Variants in SCFD2 observed in about 807,000 individuals in gnomAD.
SCFD2 encodes sec1 family domain-containing protein 2.
In SCFD2, 54 loss-of-function variants were observed where a neutral mutation model predicts 58.9. The ratio of observed to expected loss-of-function variants is 0.92; its 90% CI spans 0.74 to 1.15. The LOEUF (loss-of-function observed/expected upper bound fraction) is 1.15, where lower values mean the gene tolerates loss of function less well. Among genes scored for constraint, SCFD2 ranks in the 50% most tolerant of loss-of-function variants. The probability of loss-of-function intolerance (pLI) is 0.00; values close to 1 mark genes in which losing one functional copy is unlikely to be tolerated. For synonymous variants in SCFD2, 321 were observed against 335.9 expected, an observed-to-expected ratio of 0.96 and a Z score of 0.49; for missense variants, 805 against 836.6, an observed-to-expected ratio of 0.96 and a Z score of 0.47.
chr4:53,211,921 A>C (rs1283122686), intron 4 of SCFD2, among the ~76,000 whole-genome samples: 2 of 152,146 alleles, frequency 1.3e-5, no homozygotes, highest in Non-Finnish European at 2.9e-5. Context: ...AAAAAGTTTG[A>C]GAACCACTGG....
chr4:53,287,504 C>A (rs1731706751), intron 3 of SCFD2, among the ~76,000 whole-genome samples: 1 of 152,172 alleles, frequency 6.6e-6, no homozygotes, highest in African/African-American at 2.4e-5. Context: ...GCTGAAGAAG[C>A]TACACAGAGA....
At chr4:52,907,384 GGGTGCCAGCA>G in intron 7 of SCFD2, 63 bp downstream of exon 7, 1 of 1,460,822 alleles carries the variant, frequency 6.8e-7, no homozygotes. Flanking sequence ...AGGGTTAACA[GGGTGCCAGCA>G]TTTTCATGCC....
intron 5 of SCFD2, among the ~76,000 whole-genome samples, chr4:53,134,504 T>A (rs1725883004): frequency 6.6e-6 from 1 of 152,208 alleles, no homozygotes; most frequent in Non-Finnish European, 1.5e-5. Context: ...TCAAAATTTT[T>A]AAAAAGTTGA....
intron 2 of SCFD2, among the ~76,000 whole-genome samples, chr4:53,347,179 G>A (rs1734081955): frequency 6.6e-6 from 1 of 151,284 alleles, no homozygotes; most frequent in Non-Finnish European, 1.5e-5. Context: ...CCCCTTTTTT[G>A]CAAATGTTTT....
At chr4:52,965,354 A>G (rs1720939889) in intron 5 of SCFD2, among the ~76,000 whole-genome samples, 1 of 152,168 alleles carries the variant, frequency 6.6e-6, no homozygotes, top group African/African-American at 2.4e-5. Flanking sequence ...GCCTCAGCCC[A>G]GAGCCCTCAG....
At chr4:53,083,678 TAAA>T (rs1560328129) in intron 5 of SCFD2, among the ~76,000 whole-genome samples, 3 of 151,958 alleles carry the variant, frequency 2.0e-5, no homozygotes, top group Non-Finnish European at 4.4e-5. Context: ...AGCTGAGAAA[TAAA>T]GAGAGACAGT....
At chr4:52,887,642 C>T (rs1005983220) in intron 7 of SCFD2, among the ~76,000 whole-genome samples, 4 of 152,192 alleles carry the variant, frequency 2.6e-5, no homozygotes, top group African/African-American at 9.6e-5. Flanking sequence ...AGGAAAAAGT[C>T]TGCCAGCTGC....
chr4:53,334,817 T>G (rs998826479), intron 2 of SCFD2, among the ~76,000 whole-genome samples: 1 of 152,218 alleles, frequency 6.6e-6, no homozygotes, highest in African/African-American at 2.4e-5. Flanking sequence ...ACTATTTACA[T>G]AATCTCAAAA....
chr4:53,057,622 ATAC>A (rs1358647547), intron 5 of SCFD2, among the ~76,000 whole-genome samples: 1 of 152,158 alleles, frequency 6.6e-6, no homozygotes, highest in East Asian at 1.9e-4. Context: ...TGGCACACAT[ATAC>A]CTATGTAACA....
chr4:52,874,155 T>C, intron 8 of SCFD2, 94 bp from the exon 9 acceptor site: 1 of 864,606 alleles, frequency 1.2e-6, no homozygotes, highest in South Asian at 1.4e-5. Flanking sequence ...CAAATGTCTT[T>C]GGGGGAGGGC....
intron 5 of SCFD2, among the ~76,000 whole-genome samples, chr4:53,096,343 A>T (rs1375478296): frequency 7.2e-5 from 11 of 152,170 alleles, no homozygotes; most frequent in Admixed American, 7.2e-4. Context: ...AACAGTGTCA[A>T]AGTGTTCTTA....
intron 5 of SCFD2, among the ~76,000 whole-genome samples, chr4:53,088,272 T>C (rs548777306): frequency 3.3e-5 from 5 of 152,304 alleles, no homozygotes; most frequent in African/African-American, 1.2e-4. Flanking sequence ...GCTGCCTTCC[T>C]TGGTTTCAAA....
At chr4:53,068,720 C>A (rs1374458174) in intron 5 of SCFD2, among the ~76,000 whole-genome samples, 3 of 151,994 alleles carry the variant, frequency 2.0e-5, no homozygotes, top group African/African-American at 7.2e-5. Flanking sequence ...AATAACCATA[C>A]TTTATTTAAC....
chr4:53,344,939 A>G (rs1398249091), intron 2 of SCFD2, among the ~76,000 whole-genome samples: 3 of 152,248 alleles, frequency 2.0e-5, no homozygotes, highest in Non-Finnish European at 2.9e-5. Flanking sequence ...ACCTTATACA[A>G]AAATTAATTC....
chr4:53,312,829 A>T (rs1732731567), intron 3 of SCFD2, among the ~76,000 whole-genome samples: 1 of 152,164 alleles, frequency 6.6e-6, no homozygotes, highest in Admixed American at 6.5e-5. Context: ...CCTTATTTTT[A>T]AAAGAGAAAA....
intron 4 of SCFD2, among the ~76,000 whole-genome samples, chr4:53,255,025 G>A (rs1448236704): frequency 4.7e-5 from 7 of 149,742 alleles, no homozygotes; most frequent in Non-Finnish European, 6.0e-5. Flanking sequence ...GGCACACACC[G>A]CCATGCCCAG....
intron 4 of SCFD2, among the ~76,000 whole-genome samples, chr4:53,242,324 C>T (rs1004742472): frequency 6.6e-6 from 1 of 152,200 alleles, no homozygotes; most frequent in African/African-American, 2.4e-5. Context: ...AGTGCCAATA[C>T]CAGTCACCCG....
chr4:53,347,914 G>A (rs997440216), intron 2 of SCFD2, among the ~76,000 whole-genome samples: 3 of 152,246 alleles, frequency 2.0e-5, no homozygotes, highest in South Asian at 2.1e-4. Context: ...AGCACCAAGC[G>A]CAGATGTAGT....
chr4:52,941,911 GAAA>G (rs1720303555), intron 5 of SCFD2, among the ~76,000 whole-genome samples: 1 of 152,160 alleles, frequency 6.6e-6, no homozygotes, highest in Non-Finnish European at 1.5e-5. Context: ...TCCTTAATCT[GAAA>G]CTCTGAAATC....
Sources: allele counts gnomAD v4.1 joint callset (sites outside exome capture counted in the v4.1 genomes callset), GRCh38; gene constraint gnomAD v4.1.1; transcripts MANE v1.5; gene names NCBI Gene and HGNC (gene_info 2026-07-23, HGNC 2026-07-21).